Variants in SRGAP3 observed in about 807,000 individuals in gnomAD.
SRGAP3 encodes the protein SLIT-ROBO Rho GTPase-activating protein 3.
Under a neutral mutation model 121.1 loss-of-function variants are expected in SRGAP3, and 39 were observed. That is an observed-to-expected ratio of 0.32 (90% CI 0.25 to 0.42). The LOEUF is 0.42. Ranked by LOEUF, SRGAP3 falls within the 10% of genes least tolerant of loss-of-function variation. SRGAP3 has a pLI of 1.00. For missense variants in SRGAP3, 1,213 were observed against 1,470.6 expected (o/e 0.82, Z 2.86); for synonymous variants, 601 against 570.0 (o/e 1.05, Z -0.77).
At chr3:9,291,105 A>C (rs1184102172) in intron 3 of SRGAP3, among the ~76,000 whole-genome samples, 1 of 152,110 alleles carries the variant, frequency 6.6e-6, no homozygotes, top group Non-Finnish European at 1.5e-5. Flanking sequence ...AGTGCAATAA[A>C]ATTCCCCCCT....
intron 13 of SRGAP3, among the ~76,000 whole-genome samples, chr3:9,026,660 A>G (rs1944221004): frequency 6.6e-6 from 1 of 152,216 alleles, no homozygotes; most frequent in Non-Finnish European, 1.5e-5. Context: ...CAGTGCTCAA[A>G]GCACAGAGCT....
rs79146675 is a variant in SRGAP3 at position 9,072,802 on chromosome 3, A to G, written c.486+7223T>C. Among the ~76,000 whole-genome samples the G allele has an allele frequency of 1.0e-3, 156 of 152,358 alleles. 1 individual carries two copies. The East Asian group carries it at 0.011, about 11-fold the overall frequency. The stretch of plus-strand genomic sequence containing the variant: ...GGAAGGAAACACTGCCAAACTGGAC[A>G]CTAGTAACACAGCAACCGAGGTGAC... On this transcript the variant is annotated intron_variant, in intron 4 of 21. Transcript: ENST00000383836.
chr3:9,290,741 T>C (rs1039377956), intron 3 of SRGAP3, among the ~76,000 whole-genome samples: 12 of 152,142 alleles, frequency 7.9e-5, no homozygotes, highest in Non-Finnish European at 2.9e-5. Context: ...CCCACAATTT[T>C]AACAAGCTTG....
At chr3:9,346,116 G>A (rs1165915236) in intron 1 of SRGAP3, among the ~76,000 whole-genome samples, 1 of 152,002 alleles carries the variant, frequency 6.6e-6, no homozygotes, top group Non-Finnish European at 1.5e-5. Flanking sequence ...TTCACAGAAA[G>A]TTTGGCAATG....
intron 3 of SRGAP3, among the ~76,000 whole-genome samples, chr3:9,289,536 G>A (rs1447472033): frequency 1.3e-5 from 2 of 152,196 alleles, no homozygotes; most frequent in African/African-American, 4.8e-5. Context: ...TCATGTTATA[G>A]ATCCTCGTAA....
intron 3 of SRGAP3, among the ~76,000 whole-genome samples, chr3:9,285,899 A>C (rs111623445): frequency 6.6e-6 from 1 of 151,092 alleles, no homozygotes; most frequent in African/African-American, 2.4e-5. Context: ...ATTAAACTCA[A>C]TCCCAAGAGA....
chr3:9,341,916 C>T (rs916643251), intron 1 of SRGAP3, among the ~76,000 whole-genome samples: 16 of 152,174 alleles, frequency 1.1e-4, no homozygotes, highest in African/African-American at 3.6e-4. Context: ...GTGCTACCGG[C>T]GTTCTCCTAA....
intron 3 of SRGAP3, among the ~76,000 whole-genome samples, chr3:9,289,364 C>G (rs758999954): frequency 2.0e-5 from 3 of 152,198 alleles, no homozygotes; most frequent in Admixed American, 2.0e-4. Flanking sequence ...TGTTGCCTTG[C>G]TTCCCTGTAA....
chr3:9,311,566 G>A (rs1955247930), intron 3 of SRGAP3, among the ~76,000 whole-genome samples: 1 of 152,172 alleles, frequency 6.6e-6, no homozygotes, highest in African/African-American at 2.4e-5. Context: ...GCGTGTGGCT[G>A]CACCCAAATA....
At chr3:9,148,559 C>T (rs1218624005) in intron 1 of SRGAP3, among the ~76,000 whole-genome samples, 5 of 152,170 alleles carry the variant, frequency 3.3e-5, no homozygotes, top group African/African-American at 1.2e-4. Context: ...TCCAATAATA[C>T]CTTACAACCA....
intron 4 of SRGAP3, among the ~76,000 whole-genome samples, chr3:9,067,283 CCCTT>C (rs1465183383): frequency 6.6e-6 from 1 of 151,888 alleles, no homozygotes; most frequent in Non-Finnish European, 1.5e-5. Flanking sequence ...CCATGTTTCT[CCCTT>C]CTTCCTTCAT....
chr3:9,241,822 A>G (rs574161503), intron 1 of SRGAP3, among the ~76,000 whole-genome samples: 2 of 152,278 alleles, frequency 1.3e-5, no homozygotes, highest in East Asian at 1.9e-4. Context: ...TCACTCCTGT[A>G]ATAATGCTCT....
intron 1 of SRGAP3, among the ~76,000 whole-genome samples, chr3:9,227,273 T>A (rs2648532): frequency 6.6e-6 from 1 of 152,034 alleles, no homozygotes; most frequent in Admixed American, 6.5e-5. Context: ...AAACAAAACA[T>A]GCTAGTGGGT....
At chr3:9,221,032 T>C (rs1324240328) in intron 1 of SRGAP3, among the ~76,000 whole-genome samples, 1 of 152,170 alleles carries the variant, frequency 6.6e-6, no homozygotes, top group African/African-American at 2.4e-5. Context: ...TATTCCTGAG[T>C]ATCCCAGCCC....
chr3:9,104,747 A>G lies in SRGAP3; in HGVS notation c.356T>C (p.Ile119Thr). Reference protein sequence around the residue: ...ESRDHATLNDIFMNNVIVRLS... With the variant: ...ESRDHATLNDTFMNNVIVRLS... Reference sequence around the variant, plus strand: ...GCGGACGATGACATTGTTCATGAAGATGTCATTGAGGGTGGCATGGTCTCG... The same window carrying G: ...GCGGACGATGACATTGTTCATGAAGGTGTCATTGAGGGTGGCATGGTCTCG... Residue 119 changes from isoleucine to threonine, a missense_variant, in exon 3 of 22, where the codon ATC becomes ACC. By Grantham distance (89) the Ile-to-Thr change is moderately conservative. This residue lies in a region of SRGAP3 where 793 missense variants were observed against 1,032.9 expected (regional missense o/e 0.77). Transcript: ENST00000383836. 6.2e-7 allele frequency: 1 copy of G among 1,614,204 alleles called. No homozygotes were observed. Among genetic ancestry groups the G allele is most frequent in the East Asian group, 2.2e-5 (1 of 44,890 alleles).
Position 8,985,597 on chromosome 3 carries a change from C to G in SRGAP3, c.3222G>C (p.Ser1074=), listed in dbSNP as rs144096171. The part of the protein sequence containing the change: ...VQHRSSSSSS[S]GVGSPAVTPT... ...GCGTCACGGCCGGGCTGCCCACGCC[C>G]GAGCTGCTGCTGCTGCTGGACCGGT... The change falls in exon 22 of 22, where the codon TCG becomes TCC. Residue 1074 remains serine (S), a synonymous_variant. Transcript: ENST00000383836. This position sits in a 1 kb window ranked among gnomAD's most constrained non-coding sequence, Gnocchi z 5.1. 2 of 1,597,576 alleles carry G rather than the reference C, an allele frequency of 1.3e-6. No homozygotes were observed. Among genetic ancestry groups the G allele is most frequent in the South Asian group, 1.1e-5 (1 of 90,966 alleles).
rs3067669 is a variant in SRGAP3, at chr3:9,141,553, GGTGTGTGTGTGTGT to G, written c.68-16650_68-16637del. Among the ~76,000 whole-genome samples, 310 of 138,450 alleles carry G rather than the reference GGTGTGTGTGTGTGT, an allele frequency of 2.2e-3. 1 individual carries two copies. In the Middle Eastern group the frequency reaches 0.03, roughly 13 times the overall value. 90.8% of individuals were successfully genotyped at this position (138,450 alleles called of 152,430 possible). ...GAAACAAGAAGGATCTGACTTCAGG[GGTGTGTGTGTGTGT>G]GTGTGTGTGTGTGTGTGTGTGTGTG... On this transcript the variant is annotated intron_variant, in intron 1 of 21. Transcript: ENST00000383836.
At chr3:9,296,972 C>T (rs1417880738) in intron 3 of SRGAP3, among the ~76,000 whole-genome samples, 1 of 152,128 alleles carries the variant, frequency 6.6e-6, no homozygotes, top group Admixed American at 6.6e-5. Flanking sequence ...GCAGACTCAA[C>T]CTCCCAGACT....
intron 1 of SRGAP3, among the ~76,000 whole-genome samples, chr3:9,347,091 G>A (rs536609979): frequency 1.7e-4 from 26 of 152,258 alleles, no homozygotes; most frequent in African/African-American, 5.5e-4. Context: ...ACCGTGCCCA[G>A]CCAACTAAAA....
Sources: allele counts gnomAD v4.1 joint callset (sites outside exome capture counted in the v4.1 genomes callset), GRCh38; gene constraint gnomAD v4.1.1; regional missense constraint gnomAD v4.1.1; non-coding constraint Gnocchi (gnomAD v3.1); transcripts MANE v1.5; gene names NCBI Gene and HGNC (gene_info 2026-07-23, HGNC 2026-07-21).